KIF26B: variants seen among roughly 807,000 people sequenced by gnomAD.
The protein encoded by KIF26B is kinesin family member 26B.
A neutral mutation model predicts 151.2 loss-of-function variants in KIF26B; 63 were observed. The observed-to-expected ratio is 0.42, with a 90% confidence interval of 0.34 to 0.51. The LOEUF (loss-of-function observed/expected upper bound fraction) is 0.51, where lower values mean the gene tolerates loss of function less well. KIF26B is among the 20% of genes least tolerant of loss of function. The pLI is 0.07. For missense variants in KIF26B, 2,813 were observed against 2,913.6 expected (o/e 0.97, Z 0.79); for synonymous variants, 1,357 against 1,262.1 (o/e 1.08, Z -1.59).
chr1:245,379,954 G>C (rs1248117938), intron 3 of KIF26B, among the ~76,000 whole-genome samples: 1 of 145,486 alleles, frequency 6.9e-6, no homozygotes, highest in Non-Finnish European at 1.5e-5. Context: ...CTGGGCGACA[G>C]AGCAAGACTC....
intron 11 of KIF26B, among the ~76,000 whole-genome samples, 161 bp from the exon 12 acceptor site, chr1:245,685,244 C>T (rs991550719): frequency 5.9e-5 from 9 of 152,226 alleles, no homozygotes; most frequent in African/African-American, 1.2e-4. Flanking sequence ...ACACCGGGCG[C>T]GCGGGCATGG....
At chr1:245,267,685 A>AC (rs1670773594) in intron 2 of KIF26B, among the ~76,000 whole-genome samples, 6 of 135,468 alleles carry the variant, frequency 4.4e-5, no homozygotes, top group Admixed American at 7.2e-5. Flanking sequence ...CACACACACA[A>AC]AAGGAGAAAA....
At chr1:245,477,428 G>T (rs1660064793) in intron 4 of KIF26B, among the ~76,000 whole-genome samples, 1 of 151,740 alleles carries the variant, frequency 6.6e-6, no homozygotes, top group African/African-American at 2.4e-5. Context: ...ATAGGAAGGG[G>T]CAGAGACAGA....
At chr1:245,383,271 G>T (rs1572034728) in intron 3 of KIF26B, among the ~76,000 whole-genome samples, 2 of 151,890 alleles carry the variant, frequency 1.3e-5, no homozygotes, top group East Asian at 1.9e-4. Flanking sequence ...TCTGAACACG[G>T]TATCCCTGAA....
chr1:245,556,773 A>G (rs1662049212), intron 5 of KIF26B, among the ~76,000 whole-genome samples: 1 of 152,158 alleles, frequency 6.6e-6, no homozygotes, highest in African/African-American at 2.4e-5. Context: ...TCCTGGGCTT[A>G]AGTGATCCTC....
chr1:245,556,203 CTCTTCTTCTTCCTCCTCCTCCTCTTCT>C (rs1474249782), intron 5 of KIF26B, among the ~76,000 whole-genome samples: 1 of 152,054 alleles, frequency 6.6e-6, no homozygotes, highest in African/African-American at 2.4e-5. Flanking sequence ...GCACATCAAT[CTCTTCTTCTTCCTCCTCCTCCTCTTCT>C]TCTTCTTCTT....
intron 2 of KIF26B, among the ~76,000 whole-genome samples, chr1:245,192,124 G>C (rs962493932): frequency 1.7e-4 from 26 of 152,038 alleles, no homozygotes; most frequent in Non-Finnish European, 3.5e-4. Flanking sequence ...TAATTATAAA[G>C]AATTAGAAAG....
At chr1:245,179,799 T>G (rs1385904584) in intron 2 of KIF26B, among the ~76,000 whole-genome samples, 2 of 152,148 alleles carry the variant, frequency 1.3e-5, no homozygotes, top group African/African-American at 4.8e-5. Context: ...GGTGGACCTT[T>G]CATCTGAGCC....
intron 3 of KIF26B, among the ~76,000 whole-genome samples, chr1:245,399,526 G>A (rs1673942590): frequency 1.3e-5 from 2 of 152,210 alleles, no homozygotes; most frequent in South Asian, 4.1e-4. Flanking sequence ...CTTCATCCTT[G>A]AGGAGGAAGA....
intron 2 of KIF26B, among the ~76,000 whole-genome samples, chr1:245,315,846 G>T (rs751019014): frequency 6.6e-6 from 1 of 151,978 alleles, no homozygotes; most frequent in Non-Finnish European, 1.5e-5. Context: ...AAGCCGTGAT[G>T]GTGCCACTGC....
rs2044784595 is a variant in KIF26B, at chr1:245,702,442, T to C, written c.6179-16T>C. 1 of 1,613,758 alleles carries C rather than the reference T, an allele frequency of 6.2e-7. No homozygotes were observed. The highest frequency in any genetic ancestry group is 2.2e-5 in the East Asian group (1 of 44,866). ...TGTTTGCTCTGCGTCTCCATCAGGC[T>C]CTTCCTCTCTTGCAGTTGACTTGGA... On this transcript the variant is annotated splice_polypyrimidine_tract_variant and intron_variant, in intron 14 of 14. Coordinates refer to ENST00000407071, the MANE Select transcript of KIF26B (RefSeq NM_018012.4). The surrounding 1 kb of genome is among the most constrained non-coding windows in gnomAD (Gnocchi z 4.1).
intron 10 of KIF26B, among the ~76,000 whole-genome samples, chr1:245,678,997 G>C (rs1388032084): frequency 1.3e-5 from 2 of 152,136 alleles, no homozygotes; most frequent in Admixed American, 1.3e-4. Context: ...CCATGGATTG[G>C]TGTGTAGTCA....
chr1:245,445,484 GTA>G (rs1458761068), intron 4 of KIF26B, among the ~76,000 whole-genome samples: 2 of 152,352 alleles, frequency 1.3e-5, no homozygotes, highest in East Asian at 3.9e-4. Context: ...GTGCGCGTGT[GTA>G]TGTGTGTGTA....
At chr1:245,294,244 A>C (rs886449565) in intron 2 of KIF26B, among the ~76,000 whole-genome samples, 1 of 152,130 alleles carries the variant, frequency 6.6e-6, no homozygotes, top group Non-Finnish European at 1.5e-5. Context: ...CCTCCAAGTC[A>C]TAAAGTGAGA....
intron 2 of KIF26B, among the ~76,000 whole-genome samples, chr1:245,225,641 C>A (rs1317711358): frequency 1.3e-5 from 2 of 152,172 alleles, no homozygotes; most frequent in Non-Finnish European, 2.9e-5. Context: ...TCTTCCAAGT[C>A]CTGTGCAGGT....
intron 2 of KIF26B, among the ~76,000 whole-genome samples, chr1:245,199,785 A>G (rs1669265159): frequency 6.6e-6 from 1 of 151,508 alleles, no homozygotes; most frequent in South Asian, 2.1e-4. Context: ...TGCCTGGCCC[A>G]TGTATCCACA....
chr1:245,502,551 GA>G (rs1388728119), intron 4 of KIF26B, among the ~76,000 whole-genome samples: 5 of 126,014 alleles, frequency 4.0e-5, no homozygotes, highest in Non-Finnish European at 6.8e-5. Context: ...AAAAAAAAAA[GA>G]AGAAGAAGAG....
In KIF26B at chr1:245,267,634, GCACACACACACACACACACA is replaced by G. The variant is rs66498609; in HGVS notation, c.466-99169_466-99150del. Among the ~76,000 whole-genome samples the G allele has an allele frequency of 4.9e-3, 667 of 136,332 alleles. 4 individuals carry two copies. Among genetic ancestry groups the G allele is most frequent in the African/African-American group, 0.016 (599 of 36,936 alleles). 89.4% of individuals were successfully genotyped at this position (136,332 alleles called of 152,430 possible). ...ATACTACTGGCGACAGCTAAGTAAT[GCACACACACACACACACACA>G]CACACACACACACACACACACACAC... On this transcript the variant is annotated intron_variant, in intron 2 of 14. Transcript: ENST00000407071.
At chr1:245,261,488 T>TCTCTCTCCCTCC (rs1670640020) in intron 2 of KIF26B, among the ~76,000 whole-genome samples, 1 of 124,892 alleles carries the variant, frequency 8.0e-6, no homozygotes, top group Non-Finnish European at 1.7e-5. Flanking sequence ...TCTCTCTCTC[T>TCTCTCTCCCTCC]CTCTCTCTCT....
Sources: allele counts gnomAD v4.1 joint callset (sites outside exome capture counted in the v4.1 genomes callset), GRCh38; gene constraint gnomAD v4.1.1; non-coding constraint Gnocchi (gnomAD v3.1); transcripts MANE v1.5; gene names NCBI Gene and HGNC (gene_info 2026-07-23, HGNC 2026-07-21).